Variants in UNC13C observed in about 807,000 individuals in gnomAD.
UNC13C encodes the protein unc-13 homolog C, also known as protein unc-13 homolog C.
A neutral mutation model predicts 245.4 loss-of-function variants in UNC13C; 174 were observed. The ratio of observed to expected loss-of-function variants is 0.71; its 90% CI spans 0.63 to 0.80. The LOEUF (loss-of-function observed/expected upper bound fraction) is 0.80. UNC13C is among the 30% of genes least tolerant of loss of function. UNC13C has a pLI of 0.00. For synonymous variants in UNC13C, 992 were observed against 895.1 expected, an observed-to-expected ratio of 1.11 and a Z score of -1.93; for missense variants, 2,829 against 2,602.9, an observed-to-expected ratio of 1.09 and a Z score of -1.89.
At chr15:54,488,419 G>T (rs1183125715) in intron 19 of UNC13C, among the ~76,000 whole-genome samples, 1 of 152,100 alleles carries the variant, frequency 6.6e-6, no homozygotes, top group African/African-American at 2.4e-5. Flanking sequence ...TAGTCTTAAT[G>T]AAATTATATG....
chr15:54,572,647 A>G (rs1897807748), intron 30 of UNC13C, among the ~76,000 whole-genome samples: 1 of 151,910 alleles, frequency 6.6e-6, no homozygotes, highest in Admixed American at 6.6e-5. Context: ...GCTGGTCTCA[A>G]ACTCCTGACC....
At chr15:53,953,331 G>A in the UNC13C span, among the ~76,000 whole-genome samples, 1 of 152,298 alleles carries the variant, frequency 6.6e-6, no homozygotes, top group East Asian at 1.9e-4. Context: ...CAGCTAGGCT[G>A]TGCCCATGGG....
At chr15:54,605,595 C>T (rs1449104317) in intron 30 of UNC13C, among the ~76,000 whole-genome samples, 4 of 152,134 alleles carry the variant, frequency 2.6e-5, no homozygotes, top group Admixed American at 2.6e-4. Context: ...ATGGAGCCCA[C>T]CCTTGTTTTA....
At chr15:53,882,799 G>GA in the UNC13C span, among the ~76,000 whole-genome samples, 1 of 152,080 alleles carries the variant, frequency 6.6e-6, no homozygotes, top group Non-Finnish European at 1.5e-5. Flanking sequence ...ACAGCCTTTG[G>GA]AAAACTAGTG....
chr15:54,462,283 G>A (rs1477315444), intron 19 of UNC13C, among the ~76,000 whole-genome samples: 1 of 152,228 alleles, frequency 6.6e-6, no homozygotes, highest in Non-Finnish European at 1.5e-5. Context: ...GAGTGAAATT[G>A]AGAGGTGACA....
chr15:53,909,046 A>C, the UNC13C span, among the ~76,000 whole-genome samples: 2 of 146,518 alleles, frequency 1.4e-5, no homozygotes, highest in Non-Finnish European at 3.1e-5. Flanking sequence ...TCAAAAACTT[A>C]TATGCATAAT....
At chr15:53,972,900 T>C in the UNC13C span, 1 of 152,138 alleles carries the variant, frequency 6.6e-6, no homozygotes, top group Admixed American at 6.5e-5. Context: ...TTGAACAAGA[T>C]TGCTCAATAT....
At chr15:54,017,484 A>ATG (rs3985786) in intron 2 of UNC13C, among the ~76,000 whole-genome samples, 19,640 of 147,468 alleles carry the variant, frequency 0.13, 1,313 homozygotes, top group African/African-American at 0.16. Flanking sequence ...GTGCATGAGC[A>ATG]TGTGTGTGTG....
intron 19 of UNC13C, among the ~76,000 whole-genome samples, chr15:54,430,943 T>C (rs1403486835): frequency 1.3e-5 from 2 of 151,718 alleles, no homozygotes; most frequent in Non-Finnish European, 3.0e-5. Flanking sequence ...AAATTTCAGA[T>C]GTCATGAACC....
the UNC13C span, among the ~76,000 whole-genome samples, chr15:53,858,843 C>T: frequency 6.6e-6 from 1 of 152,098 alleles, no homozygotes; most frequent in Non-Finnish European, 1.5e-5. Flanking sequence ...CATTTTAATA[C>T]TCAAAATATT....
chr15:54,181,002 T>C (rs1240369114), intron 4 of UNC13C, among the ~76,000 whole-genome samples: 1 of 152,040 alleles, frequency 6.6e-6, no homozygotes, highest in Non-Finnish European at 1.5e-5. Flanking sequence ...TTTAATTGGG[T>C]CCTACTTGCC....
intron 17 of UNC13C, among the ~76,000 whole-genome samples, chr15:54,382,702 T>A: frequency 6.8e-6 from 1 of 146,594 alleles, no homozygotes; most frequent in African/African-American, 2.5e-5. Flanking sequence ...AGGAAGGAAA[T>A]GATAAAGGTG....
chr15:54,192,498 G>T (rs1471653528), intron 4 of UNC13C, among the ~76,000 whole-genome samples: 1 of 152,080 alleles, frequency 6.6e-6, no homozygotes, highest in African/African-American at 2.4e-5. Context: ...ATTGGCAGCT[G>T]CCAGACTCTT....
the UNC13C span, among the ~76,000 whole-genome samples, chr15:53,895,395 G>A: frequency 6.7e-6 from 1 of 148,976 alleles, no homozygotes; most frequent in Non-Finnish European, 1.5e-5. Flanking sequence ...GTCATGTAAT[G>A]GTCTTTGTCT....
At chr15:54,292,685 T>A (rs1048009102) in intron 10 of UNC13C, among the ~76,000 whole-genome samples, 3 of 151,672 alleles carry the variant, frequency 2.0e-5, no homozygotes, top group Admixed American at 6.6e-5. Context: ...ATTAAATCAA[T>A]TATATTGAAA....
chr15:54,329,259 C>G (rs1161777574), intron 14 of UNC13C, among the ~76,000 whole-genome samples: 1 of 151,812 alleles, frequency 6.6e-6, no homozygotes, highest in Non-Finnish European at 1.5e-5. Context: ...TCATCTCAAG[C>G]ATTTATCATT....
At chr15:54,034,790 C>T (rs1896504358) in intron 2 of UNC13C, among the ~76,000 whole-genome samples, 1 of 152,240 alleles carries the variant, frequency 6.6e-6, no homozygotes, top group South Asian at 2.1e-4. Flanking sequence ...AAGCTGACTT[C>T]AGAACCTCCT....
chr15:54,107,594 C>A lies in UNC13C; in HGVS notation c.2984-35424C>A, dbSNP rs545447896. On this transcript the variant is annotated intron_variant, in intron 2 of 32. Transcript: ENST00000260323. ...TATGATATTAATTCAGCTTTGGAAC[C>A]CAGCTGAGAACAGGAGAAGAAATGG... Among the ~76,000 whole-genome samples, 12 of 152,202 alleles carry A rather than the reference C, an allele frequency of 7.9e-5. No individual in the cohort carries two copies. In the South Asian group the frequency reaches 2.5e-3, roughly 32 times the overall value.
At chr15:54,048,694 G>A in intron 2 of UNC13C, 1 of 305,434 alleles carries the variant, frequency 3.3e-6, no homozygotes, top group Non-Finnish European at 6.7e-6. Flanking sequence ...AAGCAGCAAA[G>A]TCTTACATCA....
Sources: gnomAD v4.1 joint callset for allele counts (sites outside exome capture counted in the v4.1 genomes callset) on GRCh38, gnomAD v4.1.1 for gene constraint, MANE v1.5 for transcripts, NCBI Gene and HGNC (gene_info 2026-07-23, HGNC 2026-07-21) for gene names.